RFX6: variants seen among roughly 807,000 people sequenced by gnomAD.
RFX6 encodes DNA-binding protein RFX6.
Under a neutral mutation model 110.8 loss-of-function variants are expected in RFX6, and 50 were observed. That is an observed-to-expected ratio of 0.45 (90% confidence interval 0.36 to 0.57). The LOEUF (loss-of-function observed/expected upper bound fraction) is 0.57, where lower values mean the gene tolerates loss of function less well. Ranked by LOEUF, RFX6 falls within the 20% of genes least tolerant of loss-of-function variation. RFX6 has a pLI of 0.00. For synonymous variants in RFX6, 383 were observed against 411.2 expected (o/e 0.93, Z 0.83); for missense variants, 990 against 1,127.0 (o/e 0.88, Z 1.74).
In RFX6 at chr6:116,877,926, G is replaced by A. The variant is rs1408774619; in HGVS notation, c.354G>A (p.Lys118=). The change falls in exon 2 of 19, where the codon AAG becomes AAA. Residue 118 remains lysine, a synonymous_variant. Transcript: ENST00000332958. Reference sequence around the variant, plus strand: ...TCACGCAGATTGTGAAGGATAAAAAGAAGCAGACACAGCTCACGCTGCAGT... The same window carrying A: ...TCACGCAGATTGTGAAGGATAAAAAAAAGCAGACACAGCTCACGCTGCAGT... ...KTITQIVKDK[K]KQTQLTLQWL... is the part of the protein sequence containing the mutation. The A allele has an allele frequency of 1.2e-6, 2 of 1,614,166 alleles. No homozygotes were observed. Among genetic ancestry groups the A allele is most frequent in the East Asian group, 2.2e-5 (1 of 44,878 alleles).
chr6:116,931,725 T>G lies in RFX6; in HGVS notation c.*219T>G, dbSNP rs113143006. ...GTTTAAAATGTGAGCTCATTATTAA[T>G]CATAGTTTCAAAATTATCAAATAAA... On this transcript the variant is annotated 3_prime_UTR_variant, in exon 19 of 19. Coordinates refer to ENST00000332958, the MANE Select transcript of RFX6 (RefSeq NM_173560.4). 2.2e-6 allele frequency: 1 copy of G among 453,788 alleles called. No homozygotes were observed. Among genetic ancestry groups the G allele is most frequent in the Non-Finnish European group, 3.9e-6 (1 of 256,886 alleles). The allele number at this position is 453,788 out of a possible 1,614,324, so 28.1% of individuals were successfully genotyped here. A position where few individuals can be genotyped will look rare whatever the true frequency, so the allele number is the denominator to read the frequency against.
At chr6:116,886,554 A>G (rs2114666045) in intron 4 of RFX6, among the ~76,000 whole-genome samples, 1 of 152,328 alleles carries the variant, frequency 6.6e-6, no homozygotes, top group Non-Finnish European at 1.5e-5. Flanking sequence ...AAAATCATGA[A>G]TGAATGTGGT....
intron 7 of RFX6, among the ~76,000 whole-genome samples, chr6:116,912,696 T>TGA (rs150910480): frequency 7.2e-5 from 11 of 151,904 alleles, no homozygotes; most frequent in African/African-American, 2.7e-4. Flanking sequence ...ATATACCTGG[T>TGA]GAGAGAGAGA....
chr6:116,923,034 T>C, intron 13 of RFX6, 73 bp from the exon 14 acceptor site: 1 of 807,078 alleles, frequency 1.2e-6, no homozygotes, highest in South Asian at 1.3e-5. Context: ...TATTTACTTC[T>C]TGATCTAACA....
chr6:116,893,332 A>G (rs1774870613), intron 4 of RFX6, among the ~76,000 whole-genome samples: 1 of 152,204 alleles, frequency 6.6e-6, no homozygotes, highest in Non-Finnish European at 1.5e-5. Context: ...ATAATTTGAG[A>G]ATCAGTGAGT....
chr6:116,931,602 T>C lies in RFX6; in HGVS notation c.*96T>C, dbSNP rs1775887975. On this transcript the variant is annotated 3_prime_UTR_variant, in exon 19 of 19. Coordinates refer to ENST00000332958, the MANE Select transcript of RFX6 (RefSeq NM_173560.4). ...AGACTTCCATAAGAGTAAATAAAAA[T>C]GAATATGCAGTGGCTGACATTGTTT... The C allele has an allele frequency of 1.1e-6, 1 of 919,852 alleles. No homozygotes were observed. Among genetic ancestry groups the C allele is most frequent in the Non-Finnish European group, 1.7e-6 (1 of 592,950 alleles). The allele number at this position is 919,852 out of a possible 1,614,324, so 57.0% of individuals were successfully genotyped here. A position where few individuals can be genotyped will look rare whatever the true frequency, so the allele number is the denominator to read the frequency against.
chr6:116,927,609 C>A, intron 17 of RFX6, 70 bp downstream of exon 17: 1 of 1,260,910 alleles, frequency 7.9e-7, no homozygotes, highest in East Asian at 2.4e-5. Context: ...CATTGCGTTC[C>A]ACCTCTGCTG....
Position 116,928,846 on chromosome 6 carries a change from G to A in RFX6, c.2486G>A (p.Arg829His), listed in dbSNP as rs57748743. ...CACGTTTCTGTCATCAGCAGCATTC[G>A]TTCACTGCCCCCCTACAGTGACATC... ...NQHVSVISSI[R>H]SLPPYSDIHD... Residue 829 changes from arginine to histidine, a missense_variant, in exon 18 of 19, where the codon CGT becomes CAT. By Grantham distance (29) the Arg-to-His change is conservative. Coordinates refer to ENST00000332958, the MANE Select transcript of RFX6 (RefSeq NM_173560.4). 6.2e-6 allele frequency: 10 copies of A among 1,613,530 alleles called. No individual in the cohort carries two copies. The highest frequency in any genetic ancestry group is 2.2e-5 in the East Asian group (1 of 44,884).
intron 6 of RFX6, among the ~76,000 whole-genome samples, chr6:116,904,066 T>C (rs1775141599): frequency 6.6e-6 from 1 of 152,084 alleles, no homozygotes; most frequent in Non-Finnish European, 1.5e-5. Context: ...TGGTATTAAA[T>C]GACATTTTAG....
chr6:116,882,030 G>A (rs1366630372), intron 3 of RFX6, among the ~76,000 whole-genome samples: 2 of 152,042 alleles, frequency 1.3e-5, no homozygotes, highest in East Asian at 3.9e-4. Flanking sequence ...GTAAATCTCT[G>A]TATGGAATTA....
At chr6:116,920,559 T>A in intron 12 of RFX6, 105 bp downstream of exon 12, 1 of 952,486 alleles carries the variant, frequency 1.0e-6, no homozygotes, top group Non-Finnish European at 1.7e-6. Context: ...TGCTGTAGGA[T>A]GTTTAGCAGC....
chr6:116,912,914 T>G (rs1775384725), intron 7 of RFX6, among the ~76,000 whole-genome samples: 1 of 152,106 alleles, frequency 6.6e-6, no homozygotes, highest in Non-Finnish European at 1.5e-5. Flanking sequence ...TCATTCCCAG[T>G]GGACTCCATC....
chr6:116,880,088 C>T (rs1774554670), intron 2 of RFX6, among the ~76,000 whole-genome samples: 2 of 151,938 alleles, frequency 1.3e-5, no homozygotes, highest in African/African-American at 4.8e-5. Context: ...TTGTCCTTCC[C>T]TAATTATTCA....
chr6:116,923,077 T>C lies in RFX6; in HGVS notation c.1438-30T>C, dbSNP rs757813759. ...CATGTAGTACTGAGAGGACGGATTTTATAGTTTCATTTTGTTCCTTTACTT... is the reference window on the plus strand; with the variant it reads ...CATGTAGTACTGAGAGGACGGATTTCATAGTTTCATTTTGTTCCTTTACTT... On this transcript the variant is annotated intron_variant, in intron 13 of 18. Coordinates refer to ENST00000332958, the MANE Select transcript of RFX6 (RefSeq NM_173560.4). 2.6e-6 allele frequency: 3 copies of C among 1,169,440 alleles called. No homozygotes were observed. The African/African-American group carries it at 4.5e-5, about 18-fold the overall frequency. The allele number at this position is 1,169,440 out of a possible 1,614,324, so 72.4% of individuals were successfully genotyped here. A position where few individuals can be genotyped will look rare whatever the true frequency, so the allele number is the denominator to read the frequency against.
intron 2 of RFX6, among the ~76,000 whole-genome samples, 158 bp from the exon 3 acceptor site, chr6:116,880,386 T>C (rs574604660): frequency 3.3e-5 from 5 of 152,194 alleles, no homozygotes; most frequent in African/African-American, 1.2e-4. Flanking sequence ...ATCCTTATAA[T>C]TTGATTTTTA....
chr6:116,921,655 AT>A (rs200362577), intron 12 of RFX6, among the ~76,000 whole-genome samples: 40,489 of 145,134 alleles, frequency 0.28, 6,677 homozygotes, highest in East Asian at 0.46. Context: ...TTGCTCTATA[AT>A]TTTTTTTTTT....
At chr6:116,921,913 A>G in intron 12 of RFX6, 129 bp from the exon 13 acceptor site, 3 of 645,646 alleles carry the variant, frequency 4.6e-6, no homozygotes, top group Non-Finnish European at 8.2e-6. Flanking sequence ...CTTTTCACAC[A>G]TTTATCTGTC....
At chr6:116,882,914 T>G (rs1306936882) in intron 4 of RFX6, among the ~76,000 whole-genome samples, 6 of 152,172 alleles carry the variant, frequency 3.9e-5, no homozygotes, top group Non-Finnish European at 7.4e-5. Flanking sequence ...AAGGTAAATA[T>G]AAACATAAAC....
In RFX6 at chr6:116,931,697, A is replaced by G. The variant is rs1775889929; in HGVS notation, c.*191A>G. ...CTTGCAGAGCTTGTCATGCACACTAAGAGTTTAAAATGTGAGCTCATTATT... is the reference window on the plus strand; with the variant it reads ...CTTGCAGAGCTTGTCATGCACACTAGGAGTTTAAAATGTGAGCTCATTATT... On this transcript the variant is annotated 3_prime_UTR_variant, in exon 19 of 19. Transcript: ENST00000332958. The G allele has an allele frequency of 1.8e-6, 1 of 544,678 alleles. No individual in the cohort carries two copies. Among genetic ancestry groups the G allele is most frequent in the East Asian group, 2.9e-5 (1 of 33,902 alleles). The allele number at this position is 544,678 out of a possible 1,614,324, so 33.7% of individuals were successfully genotyped here.
Sources: allele counts gnomAD v4.1 joint callset (sites outside exome capture counted in the v4.1 genomes callset), GRCh38; gene constraint gnomAD v4.1.1; transcripts MANE v1.5; gene names NCBI Gene and HGNC (gene_info 2026-07-23, HGNC 2026-07-21).